TSHZ2: variants seen among roughly 807,000 people sequenced by gnomAD.
TSHZ2 encodes teashirt zinc finger homeobox 2.
TSHZ2 carries 21 observed loss-of-function variants against 74.4 expected under a neutral mutation model. The ratio of observed to expected loss-of-function variants is 0.28; its 90% CI spans 0.20 to 0.41. The LOEUF (loss-of-function observed/expected upper bound fraction) is 0.41. TSHZ2 is among the 10% of genes least tolerant of loss of function. TSHZ2 has a pLI of 1.00. For synonymous variants in TSHZ2, 540 were observed against 515.3 expected (o/e 1.05, Z -0.65); for missense variants, 1,244 against 1,293.5 (o/e 0.96, Z 0.59).
intron 1 of TSHZ2, among the ~76,000 whole-genome samples, chr20:53,063,620 T>G (rs1984886745): frequency 6.6e-6 from 1 of 152,220 alleles, no homozygotes. Context: ...ATTTTTCATC[T>G]TTTCTTAAGT....
Position 53,256,620 on chromosome 20 carries a change from T to C in TSHZ2, c.*8+49T>C. The C allele has an allele frequency of 6.6e-7, 1 of 1,517,916 alleles. No homozygotes were observed. The highest frequency in any genetic ancestry group is 8.8e-7 in the Non-Finnish European group (1 of 1,130,636). The allele number at this position is 1,517,916 out of a possible 1,614,324, so 94.0% of individuals were successfully genotyped here. On this transcript the variant is annotated intron_variant, in intron 2 of 2. Transcript: ENST00000371497. This position sits in a 1 kb window ranked among gnomAD's most constrained non-coding sequence, Gnocchi z 4.3. ...GCGATTAGCCTGGTGAGGAGCTTTCTTACAGGGAGATGGGTCTGCTTAGAG... is the reference window on the plus strand; with the variant it reads ...GCGATTAGCCTGGTGAGGAGCTTTCCTACAGGGAGATGGGTCTGCTTAGAG...
intron 2 of TSHZ2, among the ~76,000 whole-genome samples, chr20:53,402,005 G>A (rs959445958): frequency 1.5e-4 from 23 of 152,032 alleles, no homozygotes; most frequent in African/African-American, 5.3e-4. Flanking sequence ...GGATGGTCTC[G>A]ATCTCCTGAC....
At chr20:53,440,425 T>A (rs1008028729) in intron 2 of TSHZ2, among the ~76,000 whole-genome samples, 3 of 152,230 alleles carry the variant, frequency 2.0e-5, no homozygotes, top group African/African-American at 7.2e-5. Flanking sequence ...CATTTCAGCT[T>A]GGGAGACCTT....
At chr20:53,432,674 G>A (rs191203128) in intron 2 of TSHZ2, among the ~76,000 whole-genome samples, 7 of 152,124 alleles carry the variant, frequency 4.6e-5, no homozygotes, top group Admixed American at 4.6e-4. Flanking sequence ...TTCTGGCTGG[G>A]GTAAGGTGAC....
At position 53,318,601 on chromosome 20, in the gene TSHZ2, G is replaced by A. The variant is rs559976403; in HGVS notation, c.*8+62030G>A. Among the ~76,000 whole-genome samples, 86 of 152,286 alleles carry A rather than the reference G, an allele frequency of 5.6e-4. 1 individual carries two copies. The highest frequency in any genetic ancestry group is 7.5e-4 in the Non-Finnish European group (51 of 68,030). ...GGGACAGAGGAAGATAGAAAAAGTTGGCATCGTGGGCAGGAACACAATGTA... is the reference window on the plus strand; with the variant it reads ...GGGACAGAGGAAGATAGAAAAAGTTAGCATCGTGGGCAGGAACACAATGTA... On this transcript the variant is annotated intron_variant, in intron 2 of 2. Transcript: ENST00000371497.
chr20:53,458,122 T>C (rs536679429), intron 2 of TSHZ2, among the ~76,000 whole-genome samples: 12 of 151,828 alleles, frequency 7.9e-5, no homozygotes, highest in East Asian at 3.9e-4. Flanking sequence ...TGGAATAGTT[T>C]CAGAAGGAAT....
rs780205714 is a variant in TSHZ2, at chr20:53,254,486, C to A, written c.1028C>A (p.Ser343Tyr). 3.7e-6 allele frequency: 6 copies of A among 1,613,930 alleles called. No homozygotes were observed. Among genetic ancestry groups the A allele is most frequent in the African/African-American group, 2.7e-5 (2 of 74,926 alleles). ...PDSTTGSFAD[S>Y]FSSQKNANLQ... ...TCAACCACAGGATCTTTTGCAGATT[C>A]TTTTTCTTCTCAGAAGAACGCCAAC... Residue 343 changes from serine (S) to tyrosine (Y), a missense_variant, in exon 2 of 3, where the codon TCT becomes TAT. Coordinates refer to ENST00000371497, the MANE Select transcript of TSHZ2 (RefSeq NM_173485.6).
chr20:53,237,624 G>A (rs569025789), intron 1 of TSHZ2, among the ~76,000 whole-genome samples: 16 of 152,216 alleles, frequency 1.1e-4, no homozygotes, highest in Admixed American at 4.6e-4. Context: ...ATTTGTAAGT[G>A]GCTTGTTAAA....
intron 1 of TSHZ2, among the ~76,000 whole-genome samples, chr20:53,109,503 T>C (rs1250386607): frequency 6.6e-6 from 1 of 152,240 alleles, no homozygotes; most frequent in Non-Finnish European, 1.5e-5. Context: ...CAATTTGCTT[T>C]GGCCAACCCT....
At chr20:53,406,465 A>G (rs1982857522) in intron 2 of TSHZ2, among the ~76,000 whole-genome samples, 1 of 152,146 alleles carries the variant, frequency 6.6e-6, no homozygotes, top group African/African-American at 2.4e-5. Context: ...TGTTGGTGCC[A>G]TCTGGGTGAG....
At chr20:52,980,942 A>G (rs1054546460) in intron 1 of TSHZ2, among the ~76,000 whole-genome samples, 20 of 152,206 alleles carry the variant, frequency 1.3e-4, no homozygotes, top group African/African-American at 4.8e-4. Flanking sequence ...TCTCTTTTAT[A>G]CCCCAGAGAG....
intron 2 of TSHZ2, among the ~76,000 whole-genome samples, chr20:53,320,996 T>C (rs1600808999): frequency 6.6e-6 from 1 of 152,210 alleles, no homozygotes; most frequent in Non-Finnish European, 1.5e-5. Context: ...CCAGTAGAAA[T>C]GAGATTTCCA....
At chr20:53,114,628 T>C (rs1212703698) in intron 1 of TSHZ2, among the ~76,000 whole-genome samples, 1 of 151,998 alleles carries the variant, frequency 6.6e-6, no homozygotes, top group Non-Finnish European at 1.5e-5. Context: ...TGTTGGTGTG[T>C]TGGTGCTGTG....
Position 53,253,738 on chromosome 20 carries a change from G to T in TSHZ2, c.280G>T (p.Asp94Tyr), listed in dbSNP as rs1660756671. The change falls in exon 2 of 3, where the codon GAC becomes TAC. Residue 94 changes from aspartate (D) to tyrosine (Y), a missense_variant. This residue lies in a region of TSHZ2 where 470 missense variants were observed against 456.5 expected (regional missense o/e 1.03). Coordinates refer to ENST00000371497, the MANE Select transcript of TSHZ2 (RefSeq NM_173485.6). ...GAGTGACGCCAGTGATCAGGTGTCG[G>T]ACATCAAGAGTGTCTGCGGCAGAGA... ...LLSDASDQVS[D>Y]IKSVCGRDAS... is the part of the protein sequence containing the mutation. The T allele has an allele frequency of 6.2e-7, 1 of 1,614,066 alleles. No individual in the cohort carries two copies. Among genetic ancestry groups the T allele is most frequent in the Admixed American group, 1.7e-5 (1 of 60,000 alleles).
At chr20:53,090,142 A>G (rs1354252300) in intron 1 of TSHZ2, among the ~76,000 whole-genome samples, 1 of 152,240 alleles carries the variant, frequency 6.6e-6, no homozygotes, top group African/African-American at 2.4e-5. Flanking sequence ...GGAAGCATCC[A>G]GCACAGGAGA....
intron 1 of TSHZ2, among the ~76,000 whole-genome samples, chr20:53,223,920 C>T (rs1458695138): frequency 2.1e-5 from 3 of 146,276 alleles, no homozygotes; most frequent in African/African-American, 7.4e-5. Flanking sequence ...CACACACACA[C>T]ACACACACAC....
intron 1 of TSHZ2, among the ~76,000 whole-genome samples, chr20:53,246,215 G>A (rs774617090): frequency 1.4e-4 from 21 of 151,678 alleles, no homozygotes; most frequent in Non-Finnish European, 2.9e-4. Flanking sequence ...CTAATTTTTT[G>A]TATTTTTAGT....
At chr20:53,242,984 T>C (rs940021127) in intron 1 of TSHZ2, among the ~76,000 whole-genome samples, 2 of 152,132 alleles carry the variant, frequency 1.3e-5, no homozygotes, top group Non-Finnish European at 1.5e-5. Context: ...GTAAGTACAA[T>C]TGCAAACTGA....
At chr20:53,466,221 C>G (rs890881119) in intron 2 of TSHZ2, among the ~76,000 whole-genome samples, 1 of 147,058 alleles carries the variant, frequency 6.8e-6, no homozygotes, top group African/African-American at 2.5e-5. Context: ...GCACTCTAGA[C>G]TGGGCGACAG....
Sources: gnomAD v4.1 joint callset for allele counts (sites outside exome capture counted in the v4.1 genomes callset) on GRCh38, gnomAD v4.1.1 for gene constraint, gnomAD v4.1.1 regional missense constraint, Gnocchi (gnomAD v3.1) non-coding constraint, MANE v1.5 for transcripts, NCBI Gene and HGNC (gene_info 2026-07-23, HGNC 2026-07-21) for gene names.